GPI: variants seen among roughly 807,000 people sequenced by gnomAD.
GPI encodes the protein D-hexose-6-phosphate anomerase.
In GPI, 56 loss-of-function variants were observed where a neutral mutation model predicts 75.8. The ratio of observed to expected loss-of-function variants is 0.74; its 90% CI spans 0.60 to 0.92. The LOEUF is 0.92. GPI is among the 40% of genes least tolerant of loss of function. GPI has a pLI of 0.00. For missense variants in GPI, 638 were observed against 741.0 expected (o/e 0.86, Z 1.61); for synonymous variants, 288 against 285.4 (o/e 1.01, Z -0.09).
chr19:34,396,376 T>C lies in GPI; in HGVS notation c.1138T>C (p.Trp380Arg). ...GGACCACCAGACAGGCCCCATTGTG[T>C]GGGGGGAGCCAGGGACCAATGGCCA... ...RVDHQTGPIV[W>R]GEPGTNGQHA... The change falls in exon 13 of 18, where the codon TGG (tryptophan) becomes CGG (arginine). Residue 380 changes from tryptophan (W) to arginine (R), a missense_variant. Transcript: ENST00000356487. 6.2e-7 allele frequency: 1 copy of C among 1,614,014 alleles called. No homozygotes were observed. Among genetic ancestry groups the C allele is most frequent in the Non-Finnish European group, 8.5e-7 (1 of 1,180,002 alleles).
chr19:34,391,485 A>T (rs1446682444), intron 9 of GPI, among the ~76,000 whole-genome samples: 10 of 1,040 alleles, frequency 9.6e-3, no homozygotes, highest in Admixed American at 0.023. Context: ...TCTTCCAGTG[A>T]CTTAGGAGGT....
At chr19:34,385,556 A>G (rs972255350) in intron 9 of GPI, among the ~76,000 whole-genome samples, 8 of 151,918 alleles carry the variant, frequency 5.3e-5, no homozygotes, top group Non-Finnish European at 1.0e-4. Flanking sequence ...TGTGTAGAAC[A>G]GGGTTTGGCA....
In GPI at chr19:34,380,574, A is replaced by G. The variant is rs560447216; in HGVS notation, c.751-892A>G. ...TGGGATTATAGGCATGAGCCACTGTACCCGGCCCACTTAGTGACTGTATGA... is the reference window on the plus strand; with the variant it reads ...TGGGATTATAGGCATGAGCCACTGTGCCCGGCCCACTTAGTGACTGTATGA... On this transcript the variant is annotated intron_variant, in intron 8 of 17. Coordinates refer to ENST00000356487, the MANE Select transcript of GPI (RefSeq NM_000175.5). Among the ~76,000 whole-genome samples the G allele has an allele frequency of 2.6e-5, 4 of 152,256 alleles. No individual in the cohort carries two copies. The East Asian group carries it at 7.7e-4, about 29-fold the overall frequency.
chr19:34,380,318 C>G (rs2074630677), intron 8 of GPI, among the ~76,000 whole-genome samples: 2 of 151,596 alleles, frequency 1.3e-5, no homozygotes, highest in African/African-American at 2.4e-5. Context: ...CAAGGTCACT[C>G]TGTCACTCAG....
chr19:34,383,313 C>G (rs1010647077), intron 9 of GPI, among the ~76,000 whole-genome samples: 3 of 152,152 alleles, frequency 2.0e-5, no homozygotes, highest in Non-Finnish European at 4.4e-5. Context: ...TCTGTGAATT[C>G]CAGAGGAGAG....
chr19:34,369,821 A>G (rs2145331085), intron 4 of GPI, among the ~76,000 whole-genome samples: 1 of 152,146 alleles, frequency 6.6e-6, no homozygotes, highest in African/African-American at 2.4e-5. Context: ...ACTATTCAGG[A>G]GGCTGAGGTG....
intron 4 of GPI, among the ~76,000 whole-genome samples, chr19:34,374,130 C>CTTTT (rs749828679): frequency 1.8e-5 from 2 of 114,128 alleles, no homozygotes; most frequent in African/African-American, 7.1e-5. Context: ...CCATGCCCGC[C>CTTTT]TTTTTTTTTT....
chr19:34,376,569 A>C (rs2074539606), intron 4 of GPI, among the ~76,000 whole-genome samples: 1 of 151,820 alleles, frequency 6.6e-6, no homozygotes, highest in East Asian at 1.9e-4. Flanking sequence ...GTCTCAAAAA[A>C]AAAAAAAAAA....
chr19:34,371,909 C>A (rs950988268), intron 4 of GPI, among the ~76,000 whole-genome samples: 1 of 151,072 alleles, frequency 6.6e-6, no homozygotes, highest in Non-Finnish European at 1.5e-5. Flanking sequence ...TTATAACAAA[C>A]CTTTGACAGT....
intron 3 of GPI, 143 bp from the exon 4 acceptor site, chr19:34,368,440 G>T (rs2074398803): frequency 1.2e-5 from 10 of 843,400 alleles, no homozygotes; most frequent in Non-Finnish European, 1.9e-5. Flanking sequence ...TGGGTTCTTG[G>T]AACAAGGTTA....
intron 6 of GPI, 73 bp from the exon 7 acceptor site, chr19:34,378,861 C>T (rs1174068711): frequency 1.4e-5 from 16 of 1,128,494 alleles, no homozygotes; most frequent in African/African-American, 6.1e-5. Context: ...TTGGCCTCTA[C>T]TGCTGAACCC....
At chr19:34,394,787 C>T (rs2074921302) in intron 12 of GPI, among the ~76,000 whole-genome samples, 1 of 151,994 alleles carries the variant, frequency 6.6e-6, no homozygotes, top group Non-Finnish European at 1.5e-5. Context: ...GATCTCGGCT[C>T]ATTGCAACCT....
chr19:34,368,502 G>A (rs757999302), intron 3 of GPI, 81 bp from the exon 4 acceptor site: 201 of 1,521,674 alleles, frequency 1.3e-4, no homozygotes, highest in Middle Eastern at 1.8e-4. Context: ...AGAGGGCCGA[G>A]CTATGGCACC....
At chr19:34,380,533 C>CTT (rs2074634404) in intron 8 of GPI, among the ~76,000 whole-genome samples, 1 of 152,216 alleles carries the variant, frequency 6.6e-6, no homozygotes, top group East Asian at 1.9e-4. Flanking sequence ...CTGCCCACCT[C>CTT]GGCCTACCAA....
chr19:34,365,667 G>T (rs1277642581), intron 1 of GPI: 1 of 609,034 alleles, frequency 1.6e-6, no homozygotes, highest in Non-Finnish European at 3.1e-6. Flanking sequence ...CCTCCTCCCC[G>T]TGCAGCTCTG....
At chr19:34,365,070 C>A, upstream of GPI, 1 of 1,479,498 alleles carries the variant, frequency 6.8e-7, no homozygotes, top group Non-Finnish European at 9.0e-7. Context: ...GGCAAGGTCG[C>A]TCAGCGGGCA....
At chr19:34,365,998 G>T in intron 1 of GPI, 5 of 546,608 alleles carry the variant, frequency 9.1e-6, no homozygotes, top group Non-Finnish European at 1.7e-5. Flanking sequence ...GTGGCTCCGG[G>T]CTAGACGTCC....
chr19:34,396,745 C>G (rs536168198), intron 14 of GPI, 88 bp downstream of exon 14: 20 of 976,308 alleles, frequency 2.0e-5, no homozygotes, highest in Admixed American at 2.0e-5. Flanking sequence ...TTGGCAATCA[C>G]GTTAGTTTTC....
rs768628310 is a variant in GPI, at chr19:34,378,985, T to C, written c.685T>C (p.Phe229Leu). Reference sequence around the variant, plus strand: ...GAATGCAGAGACGGCGAAGGAGTGGTTTCTCCAGGCGGCCAAGGATGTGAG... The same window carrying C: ...GAATGCAGAGACGGCGAAGGAGTGGCTTCTCCAGGCGGCCAAGGATGTGAG... ...ITNAETAKEW[F>L]LQAAKDPSAV... The change falls in exon 7 of 18, where the codon TTT becomes CTT. Residue 229 changes from phenylalanine (F) to leucine (L), a missense_variant. By Grantham distance (22) the Phe-to-Leu change is conservative (BLOSUM62 0). Transcript: ENST00000356487. 1 of 1,614,192 alleles carries C rather than the reference T, an allele frequency of 6.2e-7. No homozygotes were observed. Among genetic ancestry groups the C allele is most frequent in the South Asian group, 1.1e-5 (1 of 91,084 alleles).
Sources: gnomAD v4.1 joint callset for allele counts (sites outside exome capture counted in the v4.1 genomes callset) on GRCh38, gnomAD v4.1.1 for gene constraint, MANE v1.5 for transcripts, NCBI Gene and HGNC (gene_info 2026-07-23, HGNC 2026-07-21) for gene names.